Variants in GTPBP3 observed in about 807,000 individuals in gnomAD.
The protein encoded by GTPBP3 is GTP binding protein 3, mitochondrial, also known as 5-taurinomethyluridine-[tRNA] synthase subunit GTPB3, mitochondrial.
Under a neutral mutation model 42.0 loss-of-function variants are expected in GTPBP3, and 35 were observed. The ratio of observed to expected loss-of-function variants is 0.83; its 90% CI spans 0.64 to 1.10. GTPBP3 has a LOEUF of 1.10. GTPBP3 is among the 50% of genes least tolerant of loss of function. The pLI is 0.00. For missense variants in GTPBP3, 691 were observed against 685.2 expected (o/e 1.01, Z -0.09); for synonymous variants, 332 against 314.9 (o/e 1.05, Z -0.58).
At chr19:17,338,819 C>T (rs1013812769) in intron 4 of GTPBP3, 78 bp downstream of exon 4, 3 of 1,534,960 alleles carry the variant, frequency 2.0e-6, no homozygotes, top group Non-Finnish European at 1.8e-6. Context: ...CTCTCAATCC[C>T]GCATTCATTC....
In GTPBP3 at chr19:17,341,171, C is replaced by A. The variant is rs1211256713; in HGVS notation, c.1102C>A (p.Arg368Ser). 1.2e-6 allele frequency: 2 copies of A among 1,612,662 alleles called. No individual in the cohort carries two copies. Among genetic ancestry groups the A allele is most frequent in the Admixed American group, 1.7e-5 (1 of 59,986 alleles). The change falls in exon 8 of 9, where the codon CGC becomes AGC. Residue 368 changes from arginine (R) to serine (S), a missense_variant. Coordinates refer to ENST00000324894, the MANE Select transcript of GTPBP3 (RefSeq NM_032620.4). ...GAQSPSDSSQ[R>S]LLLVLNKSDL... Reference sequence around the variant, plus strand: ...CCAGAGCCCCAGTGACAGCAGCCAGCGCCTCCTCCTGGTGCTGAACAAGTC... The same window carrying A: ...CCAGAGCCCCAGTGACAGCAGCCAGAGCCTCCTCCTGGTGCTGAACAAGTC...
intron 7 of GTPBP3, 43 bp downstream of exon 7, chr19:17,339,642 T>G: frequency 1.3e-6 from 2 of 1,524,834 alleles, no homozygotes; most frequent in East Asian, 4.9e-5. Context: ...GCGGGGCCCT[T>G]TCTCTGCCTT....
chr19:17,335,638 A>G (rs1182172314), upstream of GTPBP3, among the ~76,000 whole-genome samples: 4 of 152,140 alleles, frequency 2.6e-5, no homozygotes, highest in Admixed American at 6.5e-5. Context: ...CTAAAAAATT[A>G]TTCATTGTTT....
chr19:17,341,420 C>A, intron 8 of GTPBP3, 58 bp from the exon 9 acceptor site: 1 of 1,568,478 alleles, frequency 6.4e-7, no homozygotes, highest in South Asian at 1.2e-5. Flanking sequence ...ACAACCATTT[C>A]CCCTTCAAGG....
Position 17,338,940 on chromosome 19 carries a change from C to T in GTPBP3, c.592-14C>T, listed in dbSNP as rs752344800. 1.9e-6 allele frequency: 3 copies of T among 1,583,072 alleles called. No homozygotes were observed. The African/African-American group carries it at 4.0e-5, about 21-fold the overall frequency. On this transcript the variant is annotated splice_polypyrimidine_tract_variant and intron_variant, in intron 4 of 8. Coordinates refer to ENST00000324894, the MANE Select transcript of GTPBP3 (RefSeq NM_032620.4). ...TGGGTGCACACACCACCTCTGCTCTCCCTGCCCCGCCAGGCTCTGGCCCAC... is the reference window on the plus strand; with the variant it reads ...TGGGTGCACACACCACCTCTGCTCTTCCTGCCCCGCCAGGCTCTGGCCCAC...
upstream of GTPBP3, chr19:17,335,031 C>G (rs774692543): frequency 6.5e-7 from 1 of 1,536,176 alleles, no homozygotes; most frequent in Non-Finnish European, 8.7e-7. Flanking sequence ...TTGTCCCCAC[C>G]CATGCTTTCT....
chr19:17,337,765 C>T, intron 1 of GTPBP3, 101 bp downstream of exon 1: 1 of 1,346,720 alleles, frequency 7.4e-7, no homozygotes, highest in Non-Finnish European at 9.8e-7. Context: ...GCAGAGCAAT[C>T]ATTCGCGTTC....
upstream of GTPBP3, among the ~76,000 whole-genome samples, chr19:17,335,831 CAACTAGCTTGTTACAGATGTAAT>C (rs150889111): frequency 0.19 from 24,720 of 128,724 alleles, 2,527 homozygotes; most frequent in South Asian, 0.29. Context: ...ACAGATGTAA[CAACTAGCTTGTTACAGATGTAAT>C]AACTAGCTTG....
intron 1 of GTPBP3, 55 bp from the exon 2 acceptor site, chr19:17,337,953 T>G (rs1352664982): frequency 6.3e-7 from 1 of 1,583,412 alleles, no homozygotes; most frequent in African/African-American, 1.3e-5. Context: ...TCGGTCTACT[T>G]GACACTGAGG....
At chr19:17,339,771 G>A (rs1453229044) in intron 7 of GTPBP3, among the ~76,000 whole-genome samples, 172 bp downstream of exon 7, 1 of 136,576 alleles carries the variant, frequency 7.3e-6, no homozygotes, top group Non-Finnish European at 1.5e-5. Context: ...CTCCGAGACC[G>A]AGTCTTGCTC....
chr19:17,341,172 G>A lies in GTPBP3; in HGVS notation c.1103G>A (p.Arg368His), dbSNP rs3745193. 70,318 of 1,612,488 alleles carry A rather than the reference G, an allele frequency of 0.044. 4,119 individuals carry two copies. The highest frequency in any genetic ancestry group is 0.33 in the East Asian group (14,611 of 44,816). The change falls in exon 8 of 9, where the codon CGC becomes CAC. Residue 368 changes from arginine (R) to histidine (H), a missense_variant. Arg to His is a conservative substitution (Grantham distance 29, BLOSUM62 0). Coordinates refer to ENST00000324894, the MANE Select transcript of GTPBP3 (RefSeq NM_032620.4). The part of the protein sequence containing the change: ...GAQSPSDSSQ[R>H]LLLVLNKSDL... Reference sequence around the variant, plus strand: ...CAGAGCCCCAGTGACAGCAGCCAGCGCCTCCTCCTGGTGCTGAACAAGTCG... The same window carrying A: ...CAGAGCCCCAGTGACAGCAGCCAGCACCTCCTCCTGGTGCTGAACAAGTCG...
At chr19:17,338,887 A>G in intron 4 of GTPBP3, 67 bp from the exon 5 acceptor site, 1 of 1,547,372 alleles carries the variant, frequency 6.5e-7, no homozygotes, top group Non-Finnish European at 8.7e-7. Context: ...GTCGGGCTGG[A>G]CAAATTGGGT....
In GTPBP3 at chr19:17,340,281, C is replaced by T. The variant is rs138795884; in HGVS notation, c.974+682C>T. Among the ~76,000 whole-genome samples, 389 of 152,002 alleles carry T rather than the reference C, an allele frequency of 2.6e-3. 2 individuals carry two copies. Among genetic ancestry groups the T allele is most frequent in the African/African-American group, 8.6e-3 (357 of 41,438 alleles). On this transcript the variant is annotated intron_variant, in intron 7 of 8. Coordinates refer to ENST00000324894, the MANE Select transcript of GTPBP3 (RefSeq NM_032620.4). ...CGAACTCCTGATCTCAGGTGACCCG[C>T]CTGCCTCGGCCTCCCAAAGTGCTGG... is the stretch of plus-strand genomic sequence containing the variant.
At chr19:17,337,786 C>T (rs2074380857) in intron 1 of GTPBP3, 122 bp downstream of exon 1, 1 of 1,300,180 alleles carries the variant, frequency 7.7e-7, no homozygotes, top group Non-Finnish European at 1.0e-6. Flanking sequence ...TTCCGTGCCT[C>T]AATCGTTCAT....
In GTPBP3 at chr19:17,341,780, T is replaced by G; in HGVS notation, c.*77T>G. ...GGGATCTGGAAACAGTTTAGGCCAA[T>G]TGGGATTCTCATTCGCCTGGGAAAG... On this transcript the variant is annotated 3_prime_UTR_variant, in exon 9 of 9. Coordinates refer to ENST00000324894, the MANE Select transcript of GTPBP3 (RefSeq NM_032620.4). 7.9e-7 allele frequency: 1 copy of G among 1,264,484 alleles called. No individual in the cohort carries two copies. Among genetic ancestry groups the G allele is most frequent in the Non-Finnish European group, 1.1e-6 (1 of 911,714 alleles). 78.3% of individuals were successfully genotyped at this position (1,264,484 alleles called of 1,614,324 possible).
intron 4 of GTPBP3, 64 bp from the exon 5 acceptor site, chr19:17,338,890 A>C (rs45541332): frequency 6.5e-7 from 1 of 1,547,454 alleles, no homozygotes; most frequent in Admixed American, 1.9e-5. Context: ...GGGCTGGACA[A>C]ATTGGGTGTG....
At chr19:17,340,908 G>A (rs1172385456) in intron 7 of GTPBP3, 136 bp from the exon 8 acceptor site, 4 of 935,788 alleles carry the variant, frequency 4.3e-6, no homozygotes, top group East Asian at 2.6e-5. Context: ...CGGTCCCCTG[G>A]TACTCTACTC....
Position 17,337,649 on chromosome 19 carries a change from C to T in GTPBP3, c.38C>T (p.Ala13Val). 1 of 1,336,886 alleles carries T rather than the reference C, an allele frequency of 7.5e-7. No individual in the cohort carries two copies. Among genetic ancestry groups the T allele is most frequent in the Non-Finnish European group, 9.6e-7 (1 of 1,039,154 alleles). 82.8% of individuals were successfully genotyped at this position (1,336,886 alleles called of 1,614,324 possible). The change falls in exon 1 of 9, where the codon GCA (alanine) becomes GTA (valine). Residue 13 changes from alanine (A) to valine (V), a missense_variant. Coordinates refer to ENST00000324894, the MANE Select transcript of GTPBP3 (RefSeq NM_032620.4). ...RGLWTLAAQA[A>V]RGPRRLCTRR... ...CTTTGGACCCTGGCGGCCCAAGCGG[C>T]ACGTGGGCCTCGCAGGTGGGGCTAC...
At chr19:17,335,272 A>G, upstream of GTPBP3, 1 of 1,156,510 alleles carries the variant, frequency 8.6e-7, no homozygotes, top group Admixed American at 2.2e-5. Flanking sequence ...GCTGCCTAGA[A>G]CACTCCTCAT....
Sources: gnomAD v4.1 joint callset for allele counts (sites outside exome capture counted in the v4.1 genomes callset) on GRCh38, gnomAD v4.1.1 for gene constraint, MANE v1.5 for transcripts, NCBI Gene and HGNC (gene_info 2026-07-23, HGNC 2026-07-21) for gene names.